The following RTN4IP1 variants were observed in gnomAD, a reference collection of about 807,000 sequenced individuals.
RTN4IP1 encodes reticulon 4 interacting protein 1, also known as NAD(P)H oxidoreductase RTN4IP1, mitochondrial.
In RTN4IP1, 32 loss-of-function variants were observed where a neutral mutation model predicts 46.6. The ratio of observed to expected loss-of-function variants is 0.69; its 90% CI spans 0.52 to 0.92. The LOEUF is 0.92. Among genes scored for constraint, RTN4IP1 ranks in the 40% least tolerant of loss-of-function variants. The pLI, the probability that RTN4IP1 is intolerant of heterozygous loss-of-function variation, is 0.00. For synonymous variants in RTN4IP1, 167 were observed against 161.8 expected (o/e 1.03, Z -0.24); for missense variants, 424 against 485.8 (o/e 0.87, Z 1.20).
At chr6:106,606,688 G>A (rs1185655508) in intron 4 of RTN4IP1, among the ~76,000 whole-genome samples, 4 of 151,906 alleles carry the variant, frequency 2.6e-5, no homozygotes, top group African/African-American at 7.3e-5. Context: ...GGGGAGGATC[G>A]CTTGAGCTCA....
At chr6:106,590,444 C>T (rs1023421905) in intron 6 of RTN4IP1, among the ~76,000 whole-genome samples, 3 of 151,954 alleles carry the variant, frequency 2.0e-5, no homozygotes, top group African/African-American at 4.8e-5. Flanking sequence ...GGGCTGGGCG[C>T]GGTGGTTCAC....
chr6:106,625,314 A>G (rs1776607937), intron 1 of RTN4IP1, among the ~76,000 whole-genome samples: 1 of 151,978 alleles, frequency 6.6e-6, no homozygotes, highest in African/African-American at 2.4e-5. Context: ...TGGGCAATCC[A>G]TTAGATCTTA....
intron 4 of RTN4IP1, among the ~76,000 whole-genome samples, chr6:106,616,951 T>C (rs1006124302): frequency 6.6e-6 from 1 of 152,152 alleles, no homozygotes; most frequent in Non-Finnish European, 1.5e-5. Context: ...GTGATGGTAT[T>C]AGGAGGTGGG....
chr6:106,603,898 ATTGT>A (rs1472532304), intron 4 of RTN4IP1, among the ~76,000 whole-genome samples: 5 of 152,120 alleles, frequency 3.3e-5, no homozygotes, highest in African/African-American at 7.2e-5. Flanking sequence ...ATAAAAAGTG[ATTGT>A]TTGATATCTG....
chr6:106,593,298 A>T (rs1775707898), intron 5 of RTN4IP1, among the ~76,000 whole-genome samples: 1 of 152,220 alleles, frequency 6.6e-6, no homozygotes, highest in African/African-American at 2.4e-5. Context: ...GAATAACTAG[A>T]TTTAAATTAA....
chr6:106,619,775 C>T (rs1358180316), intron 3 of RTN4IP1, among the ~76,000 whole-genome samples: 1 of 148,294 alleles, frequency 6.7e-6, no homozygotes, highest in Admixed American at 6.7e-5. Context: ...CTGCGCCCAG[C>T]TAATTTTTTG....
intron 6 of RTN4IP1, among the ~76,000 whole-genome samples, chr6:106,589,684 C>G (rs1775598933): frequency 6.6e-6 from 1 of 152,176 alleles, no homozygotes; most frequent in African/African-American, 2.4e-5. Context: ...AAAGCCCCTT[C>G]TTGCTATAAA....
At chr6:106,604,647 C>A (rs992946063) in intron 4 of RTN4IP1, among the ~76,000 whole-genome samples, 8 of 152,150 alleles carry the variant, frequency 5.3e-5, no homozygotes, top group Non-Finnish European at 8.8e-5. Flanking sequence ...TGAAAGAAGA[C>A]TAGAGTAGGT....
At chr6:106,595,422 T>C (rs1364778167) in intron 5 of RTN4IP1, among the ~76,000 whole-genome samples, 1 of 152,136 alleles carries the variant, frequency 6.6e-6, no homozygotes, top group Non-Finnish European at 1.5e-5. Context: ...TTAATACCCA[T>C]ATCTGCTTAT....
intron 7 of RTN4IP1, among the ~76,000 whole-genome samples, chr6:106,587,040 G>A (rs891730177): frequency 1.3e-5 from 2 of 152,160 alleles, no homozygotes; most frequent in Admixed American, 6.5e-5. Flanking sequence ...AAATTTACAC[G>A]GAATACACAG....
chr6:106,603,043 A>T (rs1289512123), intron 4 of RTN4IP1, 121 bp from the exon 5 acceptor site: 5 of 674,782 alleles, frequency 7.4e-6, no homozygotes, highest in Non-Finnish European at 9.5e-6. Context: ...AAATAAAGTT[A>T]TTCAGCTTCC....
chr6:106,571,960 A>T lies in RTN4IP1; in HGVS notation c.*36T>A. The T allele has an allele frequency of 6.5e-7, 1 of 1,540,316 alleles. No homozygotes were observed. The highest frequency in any genetic ancestry group is 9.0e-7 in the Non-Finnish European group (1 of 1,114,924). ...ATTTGGGCTCACAGGCACTCACCAA[A>T]TAAGAACGTCAACAATCACTAAACT... On this transcript the variant is annotated 3_prime_UTR_variant, in exon 9 of 9. Transcript: ENST00000369063.
intron 8 of RTN4IP1, among the ~76,000 whole-genome samples, chr6:106,576,891 C>T (rs77972103): frequency 0.021 from 3,204 of 152,302 alleles, 99 homozygotes; most frequent in African/African-American, 0.075. Flanking sequence ...CAACACATTT[C>T]TCCACCATCT....
intron 6 of RTN4IP1, among the ~76,000 whole-genome samples, chr6:106,588,885 T>C (rs1041842991): frequency 2.0e-5 from 3 of 151,632 alleles, no homozygotes; most frequent in African/African-American, 7.3e-5. Context: ...CCGAGTCGGG[T>C]GGATCACCTG....
chr6:106,629,734 C>T (rs1465706583), upstream of RTN4IP1: 14 of 1,593,782 alleles, frequency 8.8e-6, no homozygotes, highest in African/African-American at 1.3e-5. Context: ...CTGAGGCCCC[C>T]GGGAGGGCGG....
At chr6:106,595,424 T>C (rs953368640) in intron 5 of RTN4IP1, among the ~76,000 whole-genome samples, 1 of 152,138 alleles carries the variant, frequency 6.6e-6, no homozygotes, top group Non-Finnish European at 1.5e-5. Context: ...AATACCCATA[T>C]CTGCTTATTG....
At chr6:106,590,037 G>A (rs1178681874) in intron 6 of RTN4IP1, among the ~76,000 whole-genome samples, 1 of 152,158 alleles carries the variant, frequency 6.6e-6, no homozygotes, top group African/African-American at 2.4e-5. Context: ...CTTAAGGTAG[G>A]CCAGGTGCAG....
At chr6:106,619,026 A>G (rs1776416583) in intron 4 of RTN4IP1, among the ~76,000 whole-genome samples, 176 bp downstream of exon 4, 1 of 152,232 alleles carries the variant, frequency 6.6e-6, no homozygotes, top group Admixed American at 6.5e-5. Context: ...CACAGAATGA[A>G]GCTAAGAAAG....
intron 3 of RTN4IP1, among the ~76,000 whole-genome samples, 190 bp downstream of exon 3, chr6:106,621,235 G>C (rs1229879521): frequency 6.6e-6 from 1 of 152,290 alleles, no homozygotes; most frequent in East Asian, 1.9e-4. Context: ...AAACAGCTAC[G>C]TTAGCAGGCA....
Sources: gnomAD v4.1 joint callset for allele counts (sites outside exome capture counted in the v4.1 genomes callset) on GRCh38, gnomAD v4.1.1 for gene constraint, MANE v1.5 for transcripts, NCBI Gene and HGNC (gene_info 2026-07-23, HGNC 2026-07-21) for gene names.